Variants in ADGRL3 observed in about 807,000 individuals in gnomAD.
ADGRL3 encodes the protein calcium-independent alpha-latrotoxin receptor 3.
ADGRL3 carries 62 observed loss-of-function variants against 153.5 expected under a neutral mutation model. The ratio of observed to expected loss-of-function variants is 0.40; its 90% CI spans 0.33 to 0.50. ADGRL3 has a LOEUF of 0.50. ADGRL3 is among the 20% of genes least tolerant of loss of function. ADGRL3 has a pLI of 0.47. For missense variants in ADGRL3, 1,641 were observed against 1,859.4 expected, an observed-to-expected ratio of 0.88 and a Z score of 2.16; for synonymous variants, 710 against 672.5, an observed-to-expected ratio of 1.06 and a Z score of -0.86.
chr4:61,620,789 C>T (rs1256189112), intron 5 of ADGRL3, among the ~76,000 whole-genome samples: 2 of 151,570 alleles, frequency 1.3e-5, no homozygotes, highest in Admixed American at 6.6e-5. Context: ...TACAGGCACT[C>T]GCCACCATGC....
intron 1 of ADGRL3, among the ~76,000 whole-genome samples, chr4:61,245,086 T>A (rs538378878): frequency 6.6e-6 from 1 of 152,024 alleles, no homozygotes; most frequent in Non-Finnish European, 1.5e-5. Context: ...CAGCATCTTG[T>A]GCATTCTTGT....
chr4:61,640,950 GT>G (rs1210788667), intron 5 of ADGRL3, among the ~76,000 whole-genome samples: 3 of 152,042 alleles, frequency 2.0e-5, no homozygotes, highest in Non-Finnish European at 4.4e-5. Context: ...ATTTTTCAAA[GT>G]TTTTTGTAAG....
intron 1 of ADGRL3, among the ~76,000 whole-genome samples, chr4:61,371,651 G>T (rs1578490251): frequency 6.6e-6 from 1 of 151,988 alleles, no homozygotes; most frequent in Non-Finnish European, 1.5e-5. Context: ...TTTCTCTCTG[G>T]CTACCCTTAA....
chr4:61,869,967 AGAGAGAGAAAGAGAGAGAGAGAGG>A (rs766323016), intron 9 of ADGRL3, among the ~76,000 whole-genome samples: 7,262 of 107,546 alleles, frequency 0.068, 193 homozygotes, highest in Non-Finnish European at 0.091. Context: ...AAAAAGAGAG[AGAGAGAGAAAGAGAGAGAGAGAGG>A]GAGAGAGAGA....
intron 21 of ADGRL3, among the ~76,000 whole-genome samples, chr4:62,009,868 C>G (rs575656774): frequency 1.8e-4 from 27 of 152,110 alleles, no homozygotes; most frequent in African/African-American, 6.5e-4. Flanking sequence ...ATTCAGGAGT[C>G]CCCATGACCA....
At chr4:61,708,704 T>C (rs1475590608) in intron 6 of ADGRL3, among the ~76,000 whole-genome samples, 1 of 152,146 alleles carries the variant, frequency 6.6e-6, no homozygotes, top group Non-Finnish European at 1.5e-5. Flanking sequence ...AAGAACATGG[T>C]ATTTTCTATT....
chr4:61,424,410 A>G (rs928788199), intron 2 of ADGRL3, among the ~76,000 whole-genome samples: 2 of 152,052 alleles, frequency 1.3e-5, no homozygotes, highest in Non-Finnish European at 2.9e-5. Flanking sequence ...CCCTGGACCC[A>G]TAGGCCACAG....
chr4:61,297,166 C>A (rs1468516189), intron 1 of ADGRL3, among the ~76,000 whole-genome samples: 1 of 152,110 alleles, frequency 6.6e-6, no homozygotes, highest in Admixed American at 6.6e-5. Context: ...TTTTTGATTG[C>A]ATGGGTAACA....
At position 61,467,022 on chromosome 4, in the gene ADGRL3, GATTT is replaced by G. The variant is rs1046595944; in HGVS notation, c.-173-30095_-173-30092del. On this transcript the variant is annotated intron_variant, in intron 2 of 26. Coordinates refer to ENST00000683033, the MANE Select transcript of ADGRL3 (RefSeq NM_001387552.1). The stretch of plus-strand genomic sequence containing the variant: ...TATTAAAAGTAACTATGTATGAATT[GATTT>G]ATTCATCAATATGTGATAAGTACTT... Among the ~76,000 whole-genome samples the G allele has an allele frequency of 3.3e-5, 5 of 152,032 alleles. 1 individual carries two copies. The South Asian group carries it at 6.2e-4, about 19-fold the overall frequency.
At chr4:61,315,150 G>A (rs2095162035) in intron 1 of ADGRL3, among the ~76,000 whole-genome samples, 1 of 152,070 alleles carries the variant, frequency 6.6e-6, no homozygotes, top group Non-Finnish European at 1.5e-5. Flanking sequence ...TGTGGAGAGG[G>A]AAGAGTCTTC....
At position 61,522,691 on chromosome 4, in the gene ADGRL3, A is replaced by C. The variant is rs949171569; in HGVS notation, c.259+5173A>C. 4.6e-5 allele frequency among the ~76,000 whole-genome samples: 7 copies of C among 152,142 alleles called. No individual in the cohort carries two copies. The East Asian group carries it at 1.2e-3, about 25-fold the overall frequency. The stretch of plus-strand genomic sequence containing the variant: ...ATTCACACTGGGCTAAATGATGAAC[A>C]CAAAGGTAAATGTAGGCTGCTTTAA... On this transcript the variant is annotated intron_variant, in intron 4 of 26. Coordinates refer to ENST00000683033, the MANE Select transcript of ADGRL3 (RefSeq NM_001387552.1).
intron 17 of ADGRL3, among the ~76,000 whole-genome samples, chr4:61,952,526 T>C (rs1165525727): frequency 6.7e-6 from 1 of 150,158 alleles, no homozygotes; most frequent in Non-Finnish European, 1.5e-5. Context: ...TTGACTCAAA[T>C]TTAGAGAGAG....
intron 12 of ADGRL3, 103 bp downstream of exon 12, chr4:61,909,848 C>G: frequency 1.3e-5 from 10 of 798,776 alleles, no homozygotes; most frequent in Non-Finnish European, 1.9e-5. Context: ...GCTTAATTTT[C>G]CTCCTTCTAC....
intron 25 of ADGRL3, among the ~76,000 whole-genome samples, chr4:62,052,959 A>C (rs528372545): frequency 6.6e-6 from 1 of 151,584 alleles, no homozygotes; most frequent in South Asian, 2.1e-4. Flanking sequence ...TTCTGGTTTT[A>C]ACAAAAACTA....
intron 4 of ADGRL3, among the ~76,000 whole-genome samples, chr4:61,549,327 T>G (rs1332210085): frequency 6.6e-6 from 1 of 152,084 alleles, no homozygotes; most frequent in Admixed American, 6.6e-5. Context: ...CTTGCCTGAT[T>G]GTTGTGACCA....
At chr4:61,477,297 T>C (rs2098076177) in intron 2 of ADGRL3, among the ~76,000 whole-genome samples, 2 of 152,130 alleles carry the variant, frequency 1.3e-5, no homozygotes, top group African/African-American at 2.4e-5. Flanking sequence ...TGGTCCTTCC[T>C]ATTTTATTAT....
In ADGRL3 at chr4:61,365,832, T is replaced by C. The variant is rs140556080; in HGVS notation, c.-239-17292T>C. Among the ~76,000 whole-genome samples, 1,002 of 152,334 alleles carry C rather than the reference T, an allele frequency of 6.6e-3. 12 individuals are homozygous for C. Among genetic ancestry groups the C allele is most frequent in the African/African-American group, 0.023 (946 of 41,574 alleles). ...AGAAAAAAATGAGAATTTCTATTTG[T>C]ATAGTTAGAATTCTATATAATACCT... On this transcript the variant is annotated intron_variant, in intron 1 of 26. Transcript: ENST00000683033.
chr4:61,570,258 C>T (rs2098833070), intron 4 of ADGRL3, among the ~76,000 whole-genome samples: 1 of 152,124 alleles, frequency 6.6e-6, no homozygotes, highest in Non-Finnish European at 1.5e-5. Context: ...ACAGCCATCT[C>T]TGTCCATTTT....
intron 1 of ADGRL3, among the ~76,000 whole-genome samples, chr4:61,239,481 T>C (rs1469813300): frequency 6.6e-6 from 1 of 151,998 alleles, no homozygotes; most frequent in Non-Finnish European, 1.5e-5. Flanking sequence ...AGTAAATGCA[T>C]TTGCATTTGT....
Sources: allele counts gnomAD v4.1 joint callset (sites outside exome capture counted in the v4.1 genomes callset), GRCh38; gene constraint gnomAD v4.1.1; transcripts MANE v1.5; gene names NCBI Gene and HGNC (gene_info 2026-07-23, HGNC 2026-07-21).